The following CALN1 variants were observed in gnomAD, a reference collection of about 807,000 sequenced individuals.
CALN1 encodes the protein calneuron 1, also known as calcium-binding protein 8.
A neutral mutation model predicts 30.6 loss-of-function variants in CALN1; 17 were observed. That is an observed-to-expected ratio of 0.56 (90% confidence interval 0.38 to 0.83). CALN1 has a LOEUF of 0.83. Ranked by LOEUF, CALN1 falls within the 40% of genes least tolerant of loss-of-function variation. The pLI, the probability that CALN1 is intolerant of heterozygous loss-of-function variation, is 0.00. For synonymous variants in CALN1, 156 were observed against 131.4 expected, an observed-to-expected ratio of 1.19 and a Z score of -1.28; for missense variants, 291 against 354.9, an observed-to-expected ratio of 0.82 and a Z score of 1.45.
intron 2 of CALN1, among the ~76,000 whole-genome samples, chr7:72,383,108 C>A (rs974188255): frequency 4.6e-5 from 7 of 152,302 alleles, no homozygotes; most frequent in Middle Eastern, 3.4e-3. Flanking sequence ...TTTTTTATGG[C>A]TGCATAGTAT....
At chr7:72,174,284 G>A (rs1271019916) in intron 3 of CALN1, among the ~76,000 whole-genome samples, 1 of 152,000 alleles carries the variant, frequency 6.6e-6, no homozygotes, top group Non-Finnish European at 1.5e-5. Flanking sequence ...ACCAATGGTG[G>A]GAGTGCAAAA....
chr7:72,101,673 G>C (rs767961899), intron 4 of CALN1, among the ~76,000 whole-genome samples: 2 of 152,156 alleles, frequency 1.3e-5, no homozygotes, highest in African/African-American at 4.8e-5. Flanking sequence ...CAACAAGTCC[G>C]GCAAGATAAC....
chr7:71,850,557 T>C (rs1790579086), intron 5 of CALN1, among the ~76,000 whole-genome samples: 1 of 152,174 alleles, frequency 6.6e-6, no homozygotes. Flanking sequence ...GAATACTAAA[T>C]GACTACGATA....
At chr7:71,927,920 C>A (rs796568521) in intron 5 of CALN1, among the ~76,000 whole-genome samples, 1 of 152,172 alleles carries the variant, frequency 6.6e-6, no homozygotes, top group South Asian at 2.1e-4. Flanking sequence ...TGGCCTGGGT[C>A]AAACACCCAG....
chr7:72,414,707 C>CCCCT (rs1159934462), upstream of CALN1, among the ~76,000 whole-genome samples: 1 of 152,186 alleles, frequency 6.6e-6, no homozygotes, highest in African/African-American at 2.4e-5. Flanking sequence ...GAGCTCTGTA[C>CCCCT]CCCTCTCTGT....
chr7:72,059,733 A>G (rs1166334863), intron 4 of CALN1, among the ~76,000 whole-genome samples: 1 of 152,156 alleles, frequency 6.6e-6, no homozygotes, highest in African/African-American at 2.4e-5. Flanking sequence ...GTCCTCCTGT[A>G]ATTTCCCATA....
the CALN1 span, among the ~76,000 whole-genome samples, chr7:72,452,900 T>G: frequency 6.6e-6 from 1 of 152,134 alleles, no homozygotes; most frequent in Non-Finnish European, 1.5e-5. Context: ...GGCCAGGCTC[T>G]CCAGACCACA....
chr7:72,209,562 C>A (rs1792236554), intron 3 of CALN1, among the ~76,000 whole-genome samples: 1 of 147,350 alleles, frequency 6.8e-6, no homozygotes, highest in South Asian at 2.1e-4. Flanking sequence ...TCCCTCTCTC[C>A]CTCTCTTTCT....
chr7:72,344,644 ATTTT>A (rs71515108), intron 2 of CALN1, among the ~76,000 whole-genome samples: 8 of 146,004 alleles, frequency 5.5e-5, no homozygotes, highest in East Asian at 2.0e-4. Flanking sequence ...ATATATTTAT[ATTTT>A]TTTATTTATA....
chr7:72,018,461 C>CA (rs1029987779), intron 5 of CALN1, among the ~76,000 whole-genome samples: 13 of 151,988 alleles, frequency 8.6e-5, no homozygotes, highest in Admixed American at 6.6e-4. Flanking sequence ...ACTGCAGTAA[C>CA]AAAAAAACAC....
chr7:72,204,681 A>G (rs181257971), intron 3 of CALN1, among the ~76,000 whole-genome samples: 37 of 152,240 alleles, frequency 2.4e-4, no homozygotes, highest in African/African-American at 8.4e-4. Context: ...ACAGTACTTA[A>G]CTCACAGAGC....
rs1349515845 is a variant in CALN1, at chr7:72,387,282, G to GAGGA, written c.119+15968_119+15969insTCCT. On this transcript the variant is annotated intron_variant, in intron 2 of 6. Coordinates refer to ENST00000395275, the MANE Select transcript of CALN1 (RefSeq NM_031468.4). ...GAAGGGAGGAAGGGAGGAAGGGAGG[G>GAGGA]AGGGAGGGAGGGAGGGAGGGAGGGA... Among the ~76,000 whole-genome samples, 28 of 66,464 alleles carry GAGGA rather than the reference G, an allele frequency of 4.2e-4. 5 individuals are homozygous for GAGGA. In the East Asian group the frequency reaches 0.012, roughly 29 times the overall value. 43.6% of individuals were successfully genotyped at this position (66,464 alleles called of 152,430 possible). A position where few individuals can be genotyped will look rare whatever the true frequency, so the allele number is the denominator to read the frequency against.
chr7:72,087,149 G>A (rs1316293783), intron 4 of CALN1, among the ~76,000 whole-genome samples: 3 of 152,160 alleles, frequency 2.0e-5, no homozygotes, highest in Non-Finnish European at 4.4e-5. Context: ...AGAAACAAAA[G>A]AGCGTCTGAA....
At chr7:72,048,408 G>C (rs938262985) in intron 4 of CALN1, among the ~76,000 whole-genome samples, 7 of 152,074 alleles carry the variant, frequency 4.6e-5, no homozygotes, top group African/African-American at 1.7e-4. Flanking sequence ...CCATGTGTGA[G>C]TAGAGCAGCA....
intron 3 of CALN1, among the ~76,000 whole-genome samples, chr7:72,196,935 G>A (rs1291555666): frequency 6.6e-6 from 1 of 152,090 alleles, no homozygotes; most frequent in Admixed American, 6.6e-5. Flanking sequence ...TGAACTTGGA[G>A]GGTACATTAA....
At chr7:72,424,164 C>A (rs978066464) in intron 1 of CALN1, among the ~76,000 whole-genome samples, 2 of 152,114 alleles carry the variant, frequency 1.3e-5, no homozygotes, top group Non-Finnish European at 1.5e-5. Flanking sequence ...GGAAAGGCAA[C>A]AGGGAGAGGC....
chr7:71,929,970 T>A (rs1795463325), intron 5 of CALN1, among the ~76,000 whole-genome samples: 1 of 152,216 alleles, frequency 6.6e-6, no homozygotes, highest in Non-Finnish European at 1.5e-5. Context: ...CTCAAGCATC[T>A]TATATAAAAT....
At chr7:71,978,289 T>TTTTTTTTA (rs1798206768) in intron 5 of CALN1, among the ~76,000 whole-genome samples, 1 of 123,464 alleles carries the variant, frequency 8.1e-6, no homozygotes, top group African/African-American at 4.3e-5. Flanking sequence ...TTTTTTTTTT[T>TTTTTTTTA]GAGGGGGAGT....
chr7:72,230,494 T>C (rs1365291286), intron 3 of CALN1, among the ~76,000 whole-genome samples: 1 of 141,164 alleles, frequency 7.1e-6, no homozygotes. Flanking sequence ...GGCAAAAGAG[T>C]GAGGCCCTGT....
Sources: gnomAD v4.1 joint callset for allele counts (sites outside exome capture counted in the v4.1 genomes callset) on GRCh38, gnomAD v4.1.1 for gene constraint, MANE v1.5 for transcripts, NCBI Gene and HGNC (gene_info 2026-07-23, HGNC 2026-07-21) for gene names.